The following POLR3B variants were observed in gnomAD, a reference collection of about 807,000 sequenced individuals.
POLR3B encodes RNA polymerase III subunit B, also known as DNA-directed RNA polymerase III subunit RPC2.
A neutral mutation model predicts 147.4 loss-of-function variants in POLR3B; 96 were observed. The observed-to-expected ratio is 0.65, with a 90% CI of 0.55 to 0.77. The LOEUF (loss-of-function observed/expected upper bound fraction) is 0.77, where lower values mean the gene tolerates loss of function less well. POLR3B is among the 30% of genes least tolerant of loss of function. The pLI, the probability that POLR3B is intolerant of heterozygous loss-of-function variation, is 0.00. For synonymous variants in POLR3B, 461 were observed against 485.9 expected, an observed-to-expected ratio of 0.95 and a Z score of 0.67; for missense variants, 1,036 against 1,413.5, an observed-to-expected ratio of 0.73 and a Z score of 4.28.
At chr12:106,402,581 A>C (rs1282313626) in intron 10 of POLR3B, among the ~76,000 whole-genome samples, 1 of 152,238 alleles carries the variant, frequency 6.6e-6, no homozygotes, top group African/African-American at 2.4e-5. Flanking sequence ...ACAGTAACCA[A>C]AACAGCATGG....
At chr12:106,446,574 T>G (rs2037728098) in intron 19 of POLR3B, among the ~76,000 whole-genome samples, 2 of 151,864 alleles carry the variant, frequency 1.3e-5, no homozygotes, top group Non-Finnish European at 2.9e-5. Context: ...TGTGTGAAGG[T>G]TTTTTTTCTC....
rs1223190856 is a variant in POLR3B at position 106,476,947 on chromosome 12, C to T, written c.2713+13327C>T. Among the ~76,000 whole-genome samples the T allele has an allele frequency of 3.3e-5, 5 of 151,594 alleles. No homozygotes were observed. In the East Asian group the frequency reaches 5.8e-4, roughly 18 times the overall value. ...CCTTTGGAGGAGGAGAGGCACTCTG[C>T]GTTGTAGAGTTTCCAGTTTTTCTGT... is the stretch of plus-strand genomic sequence containing the variant. On this transcript the variant is annotated intron_variant, in intron 23 of 27. Coordinates refer to ENST00000228347, the MANE Select transcript of POLR3B (RefSeq NM_018082.6).
intron 12 of POLR3B, 94 bp downstream of exon 12, chr12:106,411,054 T>A: frequency 2.4e-6 from 3 of 1,264,892 alleles, no homozygotes; most frequent in African/African-American, 1.5e-5. Flanking sequence ...GAATGAAATA[T>A]AGTTTGCAGG....
At chr12:106,406,104 T>G (rs1421971306) in intron 11 of POLR3B, 128 bp downstream of exon 11, 4 of 920,654 alleles carry the variant, frequency 4.3e-6, no homozygotes, top group Non-Finnish European at 6.8e-6. Context: ...AGGACTGTAC[T>G]GCCCCATCAG....
At chr12:106,481,849 G>GA (rs1413070309) in intron 23 of POLR3B, among the ~76,000 whole-genome samples, 50 of 152,256 alleles carry the variant, frequency 3.3e-4, no homozygotes, top group African/African-American at 1.2e-3. Flanking sequence ...TTATAGAACT[G>GA]AAAATTATTT....
chr12:106,485,561 G>T (rs750007315), intron 23 of POLR3B, among the ~76,000 whole-genome samples: 2 of 152,128 alleles, frequency 1.3e-5, no homozygotes, highest in Non-Finnish European at 2.9e-5. Flanking sequence ...AGAAGTGACT[G>T]GATTCTGGAC....
chr12:106,506,252 C>A (rs772689347), intron 27 of POLR3B, among the ~76,000 whole-genome samples: 4 of 152,188 alleles, frequency 2.6e-5, no homozygotes, highest in Non-Finnish European at 5.9e-5. Context: ...CCTAGTTCCA[C>A]TATGCTTAAA....
rs187036542 is a variant in POLR3B, at chr12:106,382,932, G to A, written c.723+2793G>A. 1.1e-3 allele frequency among the ~76,000 whole-genome samples: 161 copies of A among 152,284 alleles called. 4 individuals are homozygous for A. In the East Asian group the frequency reaches 0.017, roughly 16 times the overall value. ...AGATGGCATGTTCTTTCAATAGAAGGCTGTTGCATCTACATTGAAAATCGG... is the reference window on the plus strand; with the variant it reads ...AGATGGCATGTTCTTTCAATAGAAGACTGTTGCATCTACATTGAAAATCGG... On this transcript the variant is annotated intron_variant, in intron 9 of 27. Transcript: ENST00000228347.
chr12:106,503,787 GT>G (rs1195458000), intron 26 of POLR3B, among the ~76,000 whole-genome samples: 11 of 152,188 alleles, frequency 7.2e-5, no homozygotes, highest in African/African-American at 2.7e-4. Flanking sequence ...GGTGTTTTCT[GT>G]GATTATATAT....
At position 106,493,312 on chromosome 12, in the gene POLR3B, A is replaced by G. The variant is rs149304545; in HGVS notation, c.2714-2743A>G. 2.3e-4 allele frequency among the ~76,000 whole-genome samples: 35 copies of G among 152,336 alleles called. 1 individual carries two copies. In the East Asian group the frequency reaches 5.6e-3, roughly 24 times the overall value. On this transcript the variant is annotated intron_variant, in intron 23 of 27. Transcript: ENST00000228347. ...ACTTTATGCCTCTGTCCCTGGAGAA[A>G]ACAGTTTTAATCTTTCATTTGAAAA...
At chr12:106,481,466 C>T (rs368518989) in intron 23 of POLR3B, among the ~76,000 whole-genome samples, 6 of 152,354 alleles carry the variant, frequency 3.9e-5, no homozygotes, top group African/African-American at 1.2e-4. Context: ...ACTAGTACTT[C>T]GTGTCTCTGT....
intron 9 of POLR3B, among the ~76,000 whole-genome samples, chr12:106,386,724 G>A (rs1450045207): frequency 1.3e-5 from 2 of 151,948 alleles, no homozygotes; most frequent in Admixed American, 6.6e-5. Context: ...TGGCTAACAC[G>A]GTGAAACCCC....
intron 7 of POLR3B, among the ~76,000 whole-genome samples, chr12:106,377,834 C>T (rs1244054470): frequency 6.6e-6 from 1 of 152,152 alleles, no homozygotes; most frequent in African/African-American, 2.4e-5. Flanking sequence ...ATGGCTCTTG[C>T]CTGTAATCCC....
intron 12 of POLR3B, among the ~76,000 whole-genome samples, chr12:106,415,352 A>C (rs10778468): frequency 0.34 from 51,290 of 152,106 alleles, 11,515 homozygotes; most frequent in African/African-American, 0.64. Flanking sequence ...CAGCCAAATC[A>C]TCTTTTAGGA....
chr12:106,461,780 C>G (rs2037940698), intron 22 of POLR3B, among the ~76,000 whole-genome samples: 1 of 152,134 alleles, frequency 6.6e-6, no homozygotes, highest in South Asian at 2.1e-4. Context: ...CCCTATCAGT[C>G]TAATCACTCA....
At chr12:106,391,013 T>A (rs2036906380) in intron 9 of POLR3B, among the ~76,000 whole-genome samples, 1 of 152,148 alleles carries the variant, frequency 6.6e-6, no homozygotes, top group South Asian at 2.1e-4. Flanking sequence ...GAATACCCAC[T>A]GCCTTCAGCC....
intron 12 of POLR3B, among the ~76,000 whole-genome samples, chr12:106,426,467 T>C (rs1420872602): frequency 6.6e-6 from 1 of 151,804 alleles, no homozygotes; most frequent in Non-Finnish European, 1.5e-5. Context: ...GCCAGGCTGG[T>C]CTTGAACTCC....
In POLR3B at chr12:106,454,548, T is replaced by C; in HGVS notation, c.2130T>C (p.Tyr710=). 1 of 1,608,418 alleles carries C rather than the reference T, an allele frequency of 6.2e-7. No homozygotes were observed. Among genetic ancestry groups the C allele is most frequent in the South Asian group, 1.1e-5 (1 of 90,986 alleles). The change falls in exon 20 of 28, where the codon TAT becomes TAC. Residue 710 remains tyrosine, a synonymous_variant. Coordinates refer to ENST00000228347, the MANE Select transcript of POLR3B (RefSeq NM_018082.6). ...NQRNRIDTLM[Y]LLAYPQKPMV... is the part of the protein sequence containing the mutation. Reference sequence around the variant, plus strand: ...GAAACAGAATTGATACTCTCATGTATCTACTAGCATATCCACAAAAACCCA... The same window carrying C: ...GAAACAGAATTGATACTCTCATGTACCTACTAGCATATCCACAAAAACCCA...
intron 15 of POLR3B, 122 bp downstream of exon 15, chr12:106,432,602 C>T: frequency 5.9e-6 from 5 of 840,800 alleles, no homozygotes; most frequent in Admixed American, 1.8e-5. Context: ...TTGACCTTCA[C>T]TTAAAGGTAG....
Sources: allele counts gnomAD v4.1 joint callset (sites outside exome capture counted in the v4.1 genomes callset), GRCh38; gene constraint gnomAD v4.1.1; transcripts MANE v1.5; gene names NCBI Gene and HGNC (gene_info 2026-07-23, HGNC 2026-07-21).